The following SPAG16 variants were observed in gnomAD, a reference collection of about 807,000 sequenced individuals.
SPAG16 encodes sperm-associated antigen 16 protein.
A neutral mutation model predicts 80.4 loss-of-function variants in SPAG16; 86 were observed. The ratio of observed to expected loss-of-function variants is 1.07; its 90% CI spans 0.90 to 1.28. The LOEUF is 1.28. Among genes scored for constraint, SPAG16 ranks in the 50% most tolerant of loss-of-function variants. The pLI, the probability that SPAG16 is intolerant of heterozygous loss-of-function variation, is 0.00. For synonymous variants in SPAG16, 294 were observed against 265.9 expected (o/e 1.11, Z -1.03); for missense variants, 870 against 765.3 (o/e 1.14, Z -1.61).
intron 14 of SPAG16, among the ~76,000 whole-genome samples, chr2:214,136,266 G>A (rs2055046585): frequency 6.6e-6 from 1 of 152,104 alleles, no homozygotes; most frequent in Non-Finnish European, 1.5e-5. Context: ...ACTTAGTGGG[G>A]CCACACTAAC....
At chr2:214,269,067 CAG>C (rs1691801990) in intron 15 of SPAG16, among the ~76,000 whole-genome samples, 1 of 151,896 alleles carries the variant, frequency 6.6e-6, no homozygotes, top group African/African-American at 2.4e-5. Context: ...GAAAAATTTG[CAG>C]AGTTTTAAAA....
chr2:213,620,762 A>G (rs1415771301), intron 10 of SPAG16, among the ~76,000 whole-genome samples: 1 of 152,192 alleles, frequency 6.6e-6, no homozygotes, highest in African/African-American at 2.4e-5. Context: ...CAATGATTCT[A>G]TATAAAGATA....
chr2:214,111,465 G>T (rs1198184120), intron 14 of SPAG16, among the ~76,000 whole-genome samples: 1 of 152,054 alleles, frequency 6.6e-6, no homozygotes, highest in Non-Finnish European at 1.5e-5. Context: ...ATTTCTGAGG[G>T]CTCTGTTCTG....
chr2:213,688,545 T>C (rs2064795549), intron 10 of SPAG16, among the ~76,000 whole-genome samples: 3 of 152,192 alleles, frequency 2.0e-5, no homozygotes, highest in African/African-American at 4.8e-5. Flanking sequence ...CAGAGTCAGA[T>C]TGGAAAGTAA....
intron 15 of SPAG16, among the ~76,000 whole-genome samples, chr2:214,170,856 A>C (rs2056846629): frequency 6.6e-6 from 1 of 152,058 alleles, no homozygotes; most frequent in Non-Finnish European, 1.5e-5. Flanking sequence ...TTCTCTAGGA[A>C]ATAACCTTGA....
chr2:214,223,850 T>C (rs1440699181), intron 15 of SPAG16, among the ~76,000 whole-genome samples: 13 of 151,850 alleles, frequency 8.6e-5, no homozygotes, highest in Admixed American at 7.9e-4. Flanking sequence ...ACTAATAAAG[T>C]GTGGTGATCA....
chr2:213,661,365 T>C (rs2063420246), intron 10 of SPAG16, among the ~76,000 whole-genome samples: 1 of 152,230 alleles, frequency 6.6e-6, no homozygotes, highest in South Asian at 2.1e-4. Context: ...ACTGAAAAGA[T>C]AAATATATTC....
At chr2:214,185,988 G>C (rs537389364) in intron 15 of SPAG16, among the ~76,000 whole-genome samples, 1 of 152,198 alleles carries the variant, frequency 6.6e-6, no homozygotes, top group East Asian at 1.9e-4. Flanking sequence ...CAGAGTCCTT[G>C]TTTGTCTTCT....
rs2056675765 is a variant in SPAG16, at chr2:214,166,845, A to C, written c.1720+17579A>C. Reference sequence around the variant, plus strand: ...TCAATATTAAGAAAATCAAGTAAAAATGTTTCTGTACATGAAAGAGAAAAA... The same window carrying C: ...TCAATATTAAGAAAATCAAGTAAAACTGTTTCTGTACATGAAAGAGAAAAA... On this transcript the variant is annotated intron_variant, in intron 15 of 15. Transcript: ENST00000331683. Among the ~76,000 whole-genome samples, 3 of 152,180 alleles carry C rather than the reference A, an allele frequency of 2.0e-5. No individual in the cohort carries two copies. The South Asian group carries it at 6.2e-4, about 32-fold the overall frequency.
At chr2:213,533,737 A>G (rs2076150784) in intron 10 of SPAG16, among the ~76,000 whole-genome samples, 2 of 152,172 alleles carry the variant, frequency 1.3e-5, no homozygotes, top group Non-Finnish European at 1.5e-5. Context: ...AGAAAATACC[A>G]GGAAGAAATA....
chr2:214,404,694 G>A (rs1393102608), intron 15 of SPAG16, among the ~76,000 whole-genome samples: 1 of 152,012 alleles, frequency 6.6e-6, no homozygotes, highest in Non-Finnish European at 1.5e-5. Flanking sequence ...AAAAAAGAAA[G>A]AATGGCTAGG....
intron 6 of SPAG16, among the ~76,000 whole-genome samples, chr2:213,342,348 A>ATG (rs148316869): frequency 1.8e-4 from 10 of 56,924 alleles, no homozygotes; most frequent in African/African-American, 4.9e-4. Flanking sequence ...TATTACATAT[A>ATG]TGTATATATA....
At chr2:213,924,375 C>T (rs2078366427) in intron 11 of SPAG16, among the ~76,000 whole-genome samples, 1 of 152,186 alleles carries the variant, frequency 6.6e-6, no homozygotes, top group African/African-American at 2.4e-5. Flanking sequence ...CACTCTCTCA[C>T]CCTTTCCCAT....
intron 10 of SPAG16, among the ~76,000 whole-genome samples, chr2:213,723,032 C>T (rs1052069911): frequency 3.9e-5 from 6 of 152,126 alleles, no homozygotes; most frequent in African/African-American, 1.4e-4. Flanking sequence ...TTTGAGGGGA[C>T]ACCAACATTC....
At chr2:213,935,243 A>G (rs1275306656) in intron 12 of SPAG16, among the ~76,000 whole-genome samples, 1 of 151,126 alleles carries the variant, frequency 6.6e-6, no homozygotes, top group Non-Finnish European at 1.5e-5. Context: ...TTGGTTTGAG[A>G]CATTATATTT....
intron 5 of SPAG16, among the ~76,000 whole-genome samples, chr2:213,328,984 T>TGCACAA (rs1212748259): frequency 2.0e-5 from 3 of 152,192 alleles, no homozygotes; most frequent in African/African-American, 7.2e-5. Context: ...GGAGTTTCCC[T>TGCACAA]GCACAAGCTC....
chr2:214,141,392 A>G (rs987395538), intron 14 of SPAG16, among the ~76,000 whole-genome samples: 9 of 151,718 alleles, frequency 5.9e-5, no homozygotes, highest in African/African-American at 1.9e-4. Context: ...ACCTGAACCC[A>G]GGAGGCAGAG....
chr2:213,737,330 CTT>C (rs1205062073), intron 10 of SPAG16, among the ~76,000 whole-genome samples: 1 of 152,058 alleles, frequency 6.6e-6, no homozygotes. Flanking sequence ...ATACTATACT[CTT>C]TATATTTTTT....
At chr2:213,804,909 C>T (rs568295228) in intron 10 of SPAG16, among the ~76,000 whole-genome samples, 28 of 152,186 alleles carry the variant, frequency 1.8e-4, no homozygotes, top group African/African-American at 6.3e-4. Flanking sequence ...AACTAAGAAG[C>T]GTTATCTTCA....
Sources: allele counts gnomAD v4.1 joint callset (sites outside exome capture counted in the v4.1 genomes callset), GRCh38; gene constraint gnomAD v4.1.1; transcripts MANE v1.5; gene names NCBI Gene and HGNC (gene_info 2026-07-23, HGNC 2026-07-21).